GBE1: variants seen among roughly 807,000 people sequenced by gnomAD.
GBE1 encodes 1,4-alpha-glucan branching enzyme 1.
A neutral mutation model predicts 88.8 loss-of-function variants in GBE1; 70 were observed. The ratio of observed to expected loss-of-function variants is 0.79; its 90% CI spans 0.65 to 0.96. The LOEUF is 0.96. GBE1 is among the 40% of genes least tolerant of loss of function. The pLI is 0.00. For missense variants in GBE1, 872 were observed against 871.0 expected, an observed-to-expected ratio of 1.00 and a Z score of -0.01; for synonymous variants, 284 against 300.1, an observed-to-expected ratio of 0.95 and a Z score of 0.56.
At chr3:81,527,421 G>A (rs921100598) in intron 14 of GBE1, among the ~76,000 whole-genome samples, 4 of 152,104 alleles carry the variant, frequency 2.6e-5, no homozygotes, top group African/African-American at 9.7e-5. Context: ...ACTACCATCA[G>A]AGTGAACAGG....
intron 1 of GBE1, among the ~76,000 whole-genome samples, chr3:81,716,296 A>C (rs1705936298): frequency 6.6e-6 from 1 of 152,330 alleles, no homozygotes; most frequent in South Asian, 2.1e-4. Context: ...GAGATCATTA[A>C]GTATTTGGTG....
chr3:81,582,741 T>C (rs1703751207), intron 10 of GBE1, among the ~76,000 whole-genome samples: 1 of 152,014 alleles, frequency 6.6e-6, no homozygotes, highest in African/African-American at 2.4e-5. Flanking sequence ...TGCACAGAAC[T>C]TAACTCAAAA....
chr3:81,496,214 T>C (rs1702498847), intron 15 of GBE1, among the ~76,000 whole-genome samples: 1 of 152,178 alleles, frequency 6.6e-6, no homozygotes, highest in Non-Finnish European at 1.5e-5. Context: ...CCCTATCGCT[T>C]TTGGACATTT....
intron 12 of GBE1, among the ~76,000 whole-genome samples, chr3:81,557,183 T>C (rs1028165470): frequency 2.6e-5 from 4 of 152,018 alleles, no homozygotes; most frequent in East Asian, 1.9e-4. Flanking sequence ...ATTTTTGCTG[T>C]CCCAAAATAA....
intron 1 of GBE1, among the ~76,000 whole-genome samples, chr3:81,752,946 C>A (rs548848741): frequency 6.6e-6 from 1 of 152,096 alleles, no homozygotes; most frequent in Non-Finnish European, 1.5e-5. Context: ...ATAATATTAT[C>A]ATCAAACTAT....
At chr3:81,495,749 A>G (rs1374585955) in intron 15 of GBE1, among the ~76,000 whole-genome samples, 1 of 152,180 alleles carries the variant, frequency 6.6e-6, no homozygotes, top group Non-Finnish European at 1.5e-5. Flanking sequence ...AGAGCAGAAG[A>G]TATTTTCCAA....
intron 12 of GBE1, among the ~76,000 whole-genome samples, chr3:81,565,758 T>C (rs1703483652): frequency 6.6e-6 from 1 of 152,170 alleles, no homozygotes; most frequent in Non-Finnish European, 1.5e-5. Flanking sequence ...AACATCATGA[T>C]AATAAGAGTG....
chr3:81,635,689 C>A (rs1001718978), intron 7 of GBE1, among the ~76,000 whole-genome samples: 2 of 152,058 alleles, frequency 1.3e-5, no homozygotes, highest in African/African-American at 2.4e-5. Flanking sequence ...ATAAACAAAA[C>A]CATTATTATT....
intron 1 of GBE1, among the ~76,000 whole-genome samples, chr3:81,715,911 C>T (rs1010508488): frequency 4.6e-5 from 7 of 152,048 alleles, no homozygotes; most frequent in African/African-American, 1.4e-4. Context: ...AATCATTAGT[C>T]TCCAATTTCT....
intron 1 of GBE1, among the ~76,000 whole-genome samples, chr3:81,707,860 C>G (rs1236020822): frequency 6.6e-6 from 1 of 151,860 alleles, no homozygotes; most frequent in Admixed American, 6.6e-5. Context: ...TATAGTATTT[C>G]TATCAAGCAT....
Position 81,737,334 on chromosome 3 carries a change from TA to T in GBE1, c.143+24040del, listed in dbSNP as rs1374415581. Among the ~76,000 whole-genome samples the T allele has an allele frequency of 4.4e-3, 295 of 67,144 alleles. 3 individuals are homozygous for T. Among genetic ancestry groups the T allele is most frequent in the Non-Finnish European group, 7.4e-3 (243 of 32,674 alleles). The allele number at this position is 67,144 out of a possible 152,430, so 44.0% of individuals were successfully genotyped here. A position where few individuals can be genotyped will look rare whatever the true frequency, so the allele number is the denominator to read the frequency against. ...ATTTATATATATTTATATATATTTT[TA>T]TATATATTTATATAAATATATATTT... On this transcript the variant is annotated intron_variant, in intron 1 of 15. Transcript: ENST00000429644.
Position 81,656,982 on chromosome 3 carries a change from G to A in GBE1, c.430-7061C>T, listed in dbSNP as rs148927841. 8.1e-3 allele frequency among the ~76,000 whole-genome samples: 1,231 copies of A among 151,720 alleles called. 12 individuals carry two copies. Among genetic ancestry groups the A allele is most frequent in the African/African-American group, 0.028 (1,175 of 41,380 alleles). The stretch of plus-strand genomic sequence containing the variant: ...ACCAGCCTGATCCATATGGAGAAAC[G>A]CCGTCTCTACTAAAAATACAAAAAT... On this transcript the variant is annotated intron_variant, in intron 3 of 15. Coordinates refer to ENST00000429644, the MANE Select transcript of GBE1 (RefSeq NM_000158.4).
intron 1 of GBE1, among the ~76,000 whole-genome samples, chr3:81,755,078 TAAG>T (rs904590865): frequency 2.0e-5 from 3 of 152,014 alleles, no homozygotes; most frequent in Non-Finnish European, 4.4e-5. Flanking sequence ...AACTATCAGA[TAAG>T]AGATTAATAA....
At chr3:81,736,261 A>T (rs1001381361) in intron 1 of GBE1, among the ~76,000 whole-genome samples, 2 of 152,186 alleles carry the variant, frequency 1.3e-5, no homozygotes, top group Non-Finnish European at 2.9e-5. Context: ...GTATTGTGCC[A>T]TTTCACTTTC....
At chr3:81,625,813 A>G (rs1429497664) in intron 7 of GBE1, among the ~76,000 whole-genome samples, 2 of 152,240 alleles carry the variant, frequency 1.3e-5, no homozygotes, top group African/African-American at 2.4e-5. Flanking sequence ...TGTACAGCTG[A>G]TATCTATTGG....
chr3:81,615,975 G>A (rs1704243224), intron 7 of GBE1, among the ~76,000 whole-genome samples: 1 of 152,118 alleles, frequency 6.6e-6, no homozygotes, highest in Non-Finnish European at 1.5e-5. Flanking sequence ...TAGATATGTA[G>A]TGATATCTCA....
At chr3:81,723,256 G>GTT (rs200055419) in intron 1 of GBE1, among the ~76,000 whole-genome samples, 5 of 121,990 alleles carry the variant, frequency 4.1e-5, no homozygotes, top group African/African-American at 9.2e-5. Context: ...AATAAAAGTT[G>GTT]TTTTGTTTTT....
At chr3:81,754,694 T>C (rs1379943251) in intron 1 of GBE1, among the ~76,000 whole-genome samples, 1 of 152,118 alleles carries the variant, frequency 6.6e-6, no homozygotes, top group Non-Finnish European at 1.5e-5. Context: ...CAACTCATCT[T>C]CAACAAAGGT....
chr3:81,592,181 G>A (rs1703888575), intron 8 of GBE1, among the ~76,000 whole-genome samples: 1 of 152,024 alleles, frequency 6.6e-6, no homozygotes, highest in Admixed American at 6.6e-5. Context: ...GATACTTAAA[G>A]TTGGCTCTCA....
Sources: gnomAD v4.1 joint callset for allele counts (sites outside exome capture counted in the v4.1 genomes callset) on GRCh38, gnomAD v4.1.1 for gene constraint, MANE v1.5 for transcripts, NCBI Gene and HGNC (gene_info 2026-07-23, HGNC 2026-07-21) for gene names.